The following MMS22L variants were observed in gnomAD, a reference collection of about 807,000 sequenced individuals.
The protein encoded by MMS22L is protein MMS22-like.
MMS22L carries 74 observed loss-of-function variants against 159.1 expected under a neutral mutation model. The observed-to-expected ratio is 0.47, with a 90% CI of 0.39 to 0.56. The LOEUF (loss-of-function observed/expected upper bound fraction) is 0.56. Among genes scored for constraint, MMS22L ranks in the 20% least tolerant of loss-of-function variants. The pLI is 0.00. For synonymous variants in MMS22L, 517 were observed against 506.9 expected (o/e 1.02, Z -0.27); for missense variants, 1,351 against 1,422.1 (o/e 0.95, Z 0.80).
At chr6:97,156,060 T>A (rs1381128600) in intron 22 of MMS22L, among the ~76,000 whole-genome samples, 1 of 152,222 alleles carries the variant, frequency 6.6e-6, no homozygotes, top group East Asian at 1.9e-4. Context: ...GTGGTTTTGA[T>A]TTGCATTTCT....
At chr6:97,180,562 A>T (rs185586225) in intron 16 of MMS22L, among the ~76,000 whole-genome samples, 90 of 152,318 alleles carry the variant, frequency 5.9e-4, no homozygotes, top group African/African-American at 2.1e-3. Context: ...TTGTCATAAA[A>T]AAGGACACAA....
chr6:97,170,845 A>G (rs1803470389), intron 19 of MMS22L, among the ~76,000 whole-genome samples: 1 of 152,086 alleles, frequency 6.6e-6, no homozygotes, highest in African/African-American at 2.4e-5. Flanking sequence ...TGTCTGTAGT[A>G]AAAATACAAA....
At chr6:97,273,289 C>T (rs1815938398) in intron 4 of MMS22L, among the ~76,000 whole-genome samples, 1 of 152,168 alleles carries the variant, frequency 6.6e-6, no homozygotes, top group Non-Finnish European at 1.5e-5. Context: ...CCTCAAGTAA[C>T]TTGCTCCCAC....
At chr6:97,215,458 G>C (rs145213512) in intron 14 of MMS22L, among the ~76,000 whole-genome samples, 1 of 152,040 alleles carries the variant, frequency 6.6e-6, no homozygotes, top group East Asian at 1.9e-4. Context: ...GGCAGCAGCC[G>C]GTAGCCTCTC....
chr6:97,247,337 A>G (rs1016205768), intron 10 of MMS22L, among the ~76,000 whole-genome samples: 2 of 152,210 alleles, frequency 1.3e-5, no homozygotes, highest in East Asian at 3.8e-4. Context: ...AAAGTTCTGG[A>G]TATGTGGATA....
At chr6:97,184,199 C>A (rs539444457) in intron 15 of MMS22L, among the ~76,000 whole-genome samples, 1 of 152,036 alleles carries the variant, frequency 6.6e-6, no homozygotes, top group African/African-American at 2.4e-5. Context: ...TTGGGCTCCA[C>A]GGCACCACAC....
chr6:97,208,441 A>G (rs1013309481), intron 14 of MMS22L, among the ~76,000 whole-genome samples: 4 of 152,062 alleles, frequency 2.6e-5, no homozygotes, highest in Admixed American at 6.6e-5. Context: ...CCGGCCCTCA[A>G]TAAGTATCAG....
intron 22 of MMS22L, among the ~76,000 whole-genome samples, chr6:97,152,920 C>A (rs1460704129): frequency 6.6e-6 from 1 of 151,446 alleles, no homozygotes; most frequent in Non-Finnish European, 1.5e-5. Context: ...ACTCTAACTT[C>A]CATCTCCTGG....
At chr6:97,263,285 T>TTA in intron 9 of MMS22L, 50 bp downstream of exon 9, 1 of 1,116,842 alleles carries the variant, frequency 9.0e-7, no homozygotes. Flanking sequence ...TTGGATTAAA[T>TTA]CAATATAAAG....
At chr6:97,243,470 C>G (rs1309470673) in intron 11 of MMS22L, among the ~76,000 whole-genome samples, 1 of 152,006 alleles carries the variant, frequency 6.6e-6, no homozygotes, top group Non-Finnish European at 1.5e-5. Context: ...CTCTGGAGAT[C>G]TTTTCATGCA....
intron 15 of MMS22L, 66 bp downstream of exon 15, chr6:97,186,431 A>C: frequency 1.4e-6 from 2 of 1,392,184 alleles, no homozygotes; most frequent in Non-Finnish European, 1.9e-6. Flanking sequence ...TACTAAGAAA[A>C]TAAAGGAAAA....
intron 11 of MMS22L, among the ~76,000 whole-genome samples, chr6:97,239,416 A>G (rs1370504145): frequency 2.0e-5 from 3 of 152,236 alleles, no homozygotes; most frequent in Non-Finnish European, 4.4e-5. Flanking sequence ...TATGAAAACA[A>G]TAATGCTGTT....
chr6:97,258,059 A>G (rs764914175), intron 9 of MMS22L, among the ~76,000 whole-genome samples: 4 of 152,150 alleles, frequency 2.6e-5, no homozygotes, highest in Admixed American at 6.6e-5. Flanking sequence ...CAATTTGTTT[A>G]TATCAGTAGG....
At chr6:97,212,200 C>A (rs1156758857) in intron 14 of MMS22L, among the ~76,000 whole-genome samples, 1 of 152,174 alleles carries the variant, frequency 6.6e-6, no homozygotes, top group African/African-American at 2.4e-5. Context: ...AATACCAGCA[C>A]AAAGTCTGTC....
chr6:97,251,963 G>T (rs112452492), intron 10 of MMS22L, among the ~76,000 whole-genome samples: 1 of 151,910 alleles, frequency 6.6e-6, no homozygotes, highest in South Asian at 2.1e-4. Flanking sequence ...GGCACCTGTA[G>T]TCCCAACTAC....
At chr6:97,158,842 C>G (rs1191156024) in intron 22 of MMS22L, among the ~76,000 whole-genome samples, 2 of 152,202 alleles carry the variant, frequency 1.3e-5, no homozygotes, top group East Asian at 3.9e-4. Flanking sequence ...TGGTCCAGAG[C>G]TGAGTTCAAG....
chr6:97,202,100 T>A (rs1807233971), intron 14 of MMS22L, among the ~76,000 whole-genome samples: 1 of 152,186 alleles, frequency 6.6e-6, no homozygotes, highest in South Asian at 2.1e-4. Flanking sequence ...CCTTTGTCTT[T>A]TACTTAGCAC....
In MMS22L at chr6:97,282,373, G is replaced by A. The variant is rs201682044; in HGVS notation, c.105C>T (p.Asn35=). The change falls in exon 2 of 25, where the codon AAC becomes AAT. Residue 35 remains asparagine, a synonymous_variant. Transcript: ENST00000683635. ...CAGAAAAATGTTTTCCTCCTCCTCTGTTGTCAACAGCACAAGAAAAGTAAG... is the reference window on the plus strand; with the variant it reads ...CAGAAAAATGTTTTCCTCCTCCTCTATTGTCAACAGCACAAGAAAAGTAAG... ...KPPYFSCAVD[N]RGGGKHFSGE... The A allele has an allele frequency of 1.2e-5, 19 of 1,614,126 alleles. No homozygotes were observed. The East Asian group carries it at 4.2e-4, about 36-fold the overall frequency.
intron 14 of MMS22L, among the ~76,000 whole-genome samples, chr6:97,192,213 A>ATGG: frequency 2.0e-5 from 3 of 149,884 alleles, no homozygotes; most frequent in East Asian, 1.9e-4. Flanking sequence ...TGGATGGATG[A>ATGG]ATGAATGAAT....
Sources: gnomAD v4.1 joint callset for allele counts (sites outside exome capture counted in the v4.1 genomes callset) on GRCh38, gnomAD v4.1.1 for gene constraint, MANE v1.5 for transcripts, NCBI Gene and HGNC (gene_info 2026-07-23, HGNC 2026-07-21) for gene names.